Variants in NAALADL2 observed in about 807,000 individuals in gnomAD.
The protein encoded by NAALADL2 is N-acetylated alpha-linked acidic dipeptidase like 2, also known as inactive N-acetylated-alpha-linked acidic dipeptidase-like protein 2.
A neutral mutation model predicts 87.2 loss-of-function variants in NAALADL2; 76 were observed. The ratio of observed to expected loss-of-function variants is 0.87; its 90% CI spans 0.72 to 1.05. The LOEUF (loss-of-function observed/expected upper bound fraction) is 1.05. NAALADL2 is among the 50% of genes least tolerant of loss of function. NAALADL2 has a pLI of 0.00. For missense variants in NAALADL2, 1,089 were observed against 945.8 expected (o/e 1.15, Z -1.99); for synonymous variants, 354 against 331.0 (o/e 1.07, Z -0.75).
chr3:175,157,535 A>G (rs1184624807), intron 2 of NAALADL2, among the ~76,000 whole-genome samples: 2 of 152,110 alleles, frequency 1.3e-5, no homozygotes, highest in Non-Finnish European at 2.9e-5. Context: ...TTTACAATTA[A>G]ACAACTCTGA....
chr3:175,016,251 T>G (rs1428450715), intron 1 of NAALADL2, among the ~76,000 whole-genome samples: 1 of 132,414 alleles, frequency 7.6e-6, no homozygotes, highest in African/African-American at 3.6e-5. Flanking sequence ...CTATCTCAGA[T>G]AAATTATTTA....
At chr3:174,450,983 T>G (rs1715443764) in intron 1 of NAALADL2, among the ~76,000 whole-genome samples, 1 of 152,170 alleles carries the variant, frequency 6.6e-6, no homozygotes, top group African/African-American at 2.4e-5. Flanking sequence ...TGAGTCAATT[T>G]TAAATGTTTT....
chr3:174,819,727 T>C (rs1721221686), intron 3 of NAALADL2, among the ~76,000 whole-genome samples: 1 of 152,098 alleles, frequency 6.6e-6, no homozygotes, highest in Non-Finnish European at 1.5e-5. Flanking sequence ...CCTCATGTTA[T>C]ACAGAAAAGC....
chr3:174,903,738 A>G (rs979619355), intron 1 of NAALADL2, among the ~76,000 whole-genome samples: 7 of 151,942 alleles, frequency 4.6e-5, no homozygotes, highest in Admixed American at 1.3e-4. Flanking sequence ...GGAAGGATGC[A>G]GTGTTCCCTG....
At chr3:174,943,306 G>T (rs116329272) in intron 1 of NAALADL2, among the ~76,000 whole-genome samples, 1 of 152,120 alleles carries the variant, frequency 6.6e-6, no homozygotes, top group Admixed American at 6.5e-5. Flanking sequence ...ATGTTAGTGA[G>T]GTAATTTTGA....
chr3:175,604,377 C>G (rs1723391422), intron 10 of NAALADL2, among the ~76,000 whole-genome samples: 2 of 147,534 alleles, frequency 1.4e-5, no homozygotes, highest in African/African-American at 5.0e-5. Context: ...CATCTCCGCT[C>G]ACTGCAAGCT....
intron 1 of NAALADL2, among the ~76,000 whole-genome samples, chr3:174,868,547 C>T (rs148540592): frequency 9.2e-5 from 14 of 152,038 alleles, no homozygotes; most frequent in African/African-American, 2.2e-4. Flanking sequence ...AGTGATGATG[C>T]GCTGAATTCA....
intron 3 of NAALADL2, among the ~76,000 whole-genome samples, chr3:174,847,331 A>G (rs1443767724): frequency 6.6e-6 from 1 of 152,220 alleles, no homozygotes; most frequent in Non-Finnish European, 1.5e-5. Context: ...ATAAGTTCCA[A>G]ATTTAAAGAG....
intron 1 of NAALADL2, among the ~76,000 whole-genome samples, chr3:175,074,815 G>T (rs1716291093): frequency 6.6e-6 from 1 of 151,870 alleles, no homozygotes; most frequent in Non-Finnish European, 1.5e-5. Context: ...TGAGTACCAG[G>T]GGTGAATGGT....
At chr3:175,740,896 G>A (rs577912104) in intron 12 of NAALADL2, among the ~76,000 whole-genome samples, 2 of 152,132 alleles carry the variant, frequency 1.3e-5, no homozygotes, top group Non-Finnish European at 1.5e-5. Context: ...TCTCTTGGGG[G>A]TCTGGATCGG....
At chr3:174,949,527 A>G (rs1740007912) in intron 1 of NAALADL2, among the ~76,000 whole-genome samples, 1 of 152,190 alleles carries the variant, frequency 6.6e-6, no homozygotes, top group Non-Finnish European at 1.5e-5. Flanking sequence ...CAAATTCAGT[A>G]ATCAGCTATT....
intron 9 of NAALADL2, among the ~76,000 whole-genome samples, chr3:175,574,750 GTTTTA>G (rs1718610166): frequency 6.6e-6 from 1 of 152,050 alleles, no homozygotes. Flanking sequence ...TGATTTTATA[GTTTTA>G]TTTTATATAG....
At chr3:175,517,832 A>T (rs191856000) in intron 9 of NAALADL2, among the ~76,000 whole-genome samples, 1 of 152,264 alleles carries the variant, frequency 6.6e-6, no homozygotes, top group Admixed American at 6.5e-5. Context: ...AGTACACCGG[A>T]TTTTATAGAC....
intron 5 of NAALADL2, among the ~76,000 whole-genome samples, chr3:175,399,907 A>C (rs773247246): frequency 1.3e-4 from 20 of 152,064 alleles, no homozygotes; most frequent in Non-Finnish European, 2.8e-4. Flanking sequence ...TATTTAATCC[A>C]ACTCTTTATG....
At chr3:174,734,547 C>T (rs2108992247) in intron 2 of NAALADL2, among the ~76,000 whole-genome samples, 1 of 152,246 alleles carries the variant, frequency 6.6e-6, no homozygotes, top group South Asian at 2.1e-4. Context: ...TCTCAGGACC[C>T]ACCTCCAAAT....
chr3:175,672,974 T>C (rs1734211339), intron 11 of NAALADL2, among the ~76,000 whole-genome samples: 1 of 139,402 alleles, frequency 7.2e-6, no homozygotes, highest in Admixed American at 7.0e-5. Flanking sequence ...CTCAGTTATA[T>C]GTTATATTAC....
intron 11 of NAALADL2, among the ~76,000 whole-genome samples, chr3:175,712,044 C>T (rs1740604411): frequency 6.6e-6 from 1 of 151,670 alleles, no homozygotes; most frequent in Admixed American, 6.6e-5. Context: ...ATCTATTTGT[C>T]ATAATGATAA....
chr3:175,209,656 T>C (rs1741467769), intron 2 of NAALADL2, among the ~76,000 whole-genome samples: 1 of 151,874 alleles, frequency 6.6e-6, no homozygotes, highest in African/African-American at 2.4e-5. Flanking sequence ...GAATAATACA[T>C]GCTGCCAGCT....
intron 9 of NAALADL2, among the ~76,000 whole-genome samples, chr3:175,501,484 TG>T (rs1215193990): frequency 6.7e-6 from 1 of 149,104 alleles, no homozygotes; most frequent in African/African-American, 2.5e-5. Flanking sequence ...GTAGGTCAGA[TG>T]TTCACATTTG....
Sources: allele counts gnomAD v4.1 joint callset (sites outside exome capture counted in the v4.1 genomes callset), GRCh38; gene constraint gnomAD v4.1.1; transcripts MANE v1.5; gene names NCBI Gene and HGNC (gene_info 2026-07-23, HGNC 2026-07-21).